The following DPY19L2 variants were observed in gnomAD, a reference collection of about 807,000 sequenced individuals.
DPY19L2 encodes the protein dpy-19 like 2.
A neutral mutation model predicts 97.9 loss-of-function variants in DPY19L2; 34 were observed. The ratio of observed to expected loss-of-function variants is 0.35; its 90% CI spans 0.26 to 0.46. DPY19L2 has a LOEUF of 0.46. Ranked by LOEUF, DPY19L2 falls within the 20% of genes least tolerant of loss-of-function variation. The pLI is 1.00. For missense variants in DPY19L2, 623 were observed against 911.4 expected (o/e 0.68, Z 4.07); for synonymous variants, 230 against 307.9 (o/e 0.75, Z 2.65).
rs1278530744 is a variant in DPY19L2, at chr12:63,580,613, G to A, written c.1900+49C>T. 2.7e-6 allele frequency: 4 copies of A among 1,498,592 alleles called. No individual in the cohort carries two copies. In the South Asian group the frequency reaches 3.9e-5, roughly 15 times the overall value. The allele number at this position is 1,498,592 out of a possible 1,614,324, so 92.8% of individuals were successfully genotyped here. ...ATAATTATATATAGTATACACAAAT[G>A]TGTCTGTATGTTTGTATAAAACTAG... On this transcript the variant is annotated intron_variant, in intron 19 of 21. Transcript: ENST00000324472.
At chr12:63,596,794 G>A (rs1382929155) in intron 14 of DPY19L2, among the ~76,000 whole-genome samples, 1 of 152,130 alleles carries the variant, frequency 6.6e-6, no homozygotes, top group Admixed American at 6.5e-5. Context: ...ACAAATAGAG[G>A]AAAGAGCCCT....
chr12:63,614,190 C>A (rs1299485338), intron 11 of DPY19L2, among the ~76,000 whole-genome samples: 353 of 113,790 alleles, frequency 3.1e-3, no homozygotes, highest in South Asian at 5.4e-3. Flanking sequence ...AACTCCGTCT[C>A]AAAAAAAAAA....
At position 63,643,703 on chromosome 12, in the gene DPY19L2, C is replaced by T. The variant is rs138288399; in HGVS notation, c.803+700G>A. Among the ~76,000 whole-genome samples, 431 of 152,216 alleles carry T rather than the reference C, an allele frequency of 2.8e-3. 1 individual carries two copies. The highest frequency in any genetic ancestry group is 5.1e-3 in the Non-Finnish European group (344 of 68,008). ...ATTTTTATGACCTTTCCCTTATGGT[C>T]ACAAGATGACTGCTACAGCTCTGGG... On this transcript the variant is annotated intron_variant, in intron 6 of 21. Coordinates refer to ENST00000324472, the MANE Select transcript of DPY19L2 (RefSeq NM_173812.5).
intron 6 of DPY19L2, among the ~76,000 whole-genome samples, chr12:63,630,176 A>G (rs1448377021): frequency 6.6e-6 from 1 of 152,206 alleles, no homozygotes; most frequent in African/African-American, 2.4e-5. Context: ...CAAAATAACC[A>G]GCTAACATCA....
intron 12 of DPY19L2, among the ~76,000 whole-genome samples, chr12:63,600,734 A>C (rs1214495856): frequency 2.6e-5 from 4 of 151,628 alleles, no homozygotes; most frequent in African/African-American, 9.7e-5. Flanking sequence ...AAAGAAAAAA[A>C]CCCGTGTGCA....
intron 16 of DPY19L2, among the ~76,000 whole-genome samples, chr12:63,591,861 G>C (rs867384305): frequency 6.7e-6 from 1 of 150,174 alleles, no homozygotes; most frequent in African/African-American, 2.5e-5. Flanking sequence ...AGATGATCGC[G>C]TGAGTCCGGG....
At chr12:63,651,016 A>G (rs1157458800) in intron 4 of DPY19L2, among the ~76,000 whole-genome samples, 2 of 152,222 alleles carry the variant, frequency 1.3e-5, no homozygotes, top group Non-Finnish European at 2.9e-5. Flanking sequence ...TTTCAAGGCT[A>G]CAATAACCAA....
At chr12:63,662,800 A>G (rs1174938998) in intron 3 of DPY19L2, among the ~76,000 whole-genome samples, 2 of 152,188 alleles carry the variant, frequency 1.3e-5, no homozygotes, top group Non-Finnish European at 2.9e-5. Context: ...AATGTCATAC[A>G]TATGTTAATG....
At chr12:63,565,449 G>A (rs1372926547) in intron 21 of DPY19L2, among the ~76,000 whole-genome samples, 2 of 152,100 alleles carry the variant, frequency 1.3e-5, no homozygotes, top group African/African-American at 4.8e-5. Flanking sequence ...CCATCACATC[G>A]CCTTTTTGAT....
intron 13 of DPY19L2, among the ~76,000 whole-genome samples, chr12:63,599,612 G>T (rs533289495): frequency 4.5e-4 from 69 of 152,218 alleles, no homozygotes; most frequent in African/African-American, 1.5e-3. Flanking sequence ...TTTCAAAATT[G>T]ATTATTATAT....
rs1876103016 is a variant in DPY19L2 at position 63,559,520 on chromosome 12, T to C, written c.*992A>G. 6.6e-6 allele frequency: 1 copy of C among 152,560 alleles called. No individual in the cohort carries two copies. The highest frequency in any genetic ancestry group is 1.5e-5 in the Non-Finnish European group (1 of 68,012). 9.5% of individuals were successfully genotyped at this position (152,560 alleles called of 1,614,324 possible). A position where few individuals can be genotyped will look rare whatever the true frequency, so the allele number is the denominator to read the frequency against. ...AAGCACTATTGTTGGGTAGGTTTTA[T>C]TAGGGGAGAGGACTTAGAAAACATG... is the stretch of plus-strand genomic sequence containing the variant. On this transcript the variant is annotated 3_prime_UTR_variant, in exon 22 of 22. Coordinates refer to ENST00000324472, the MANE Select transcript of DPY19L2 (RefSeq NM_173812.5).
intron 12 of DPY19L2, among the ~76,000 whole-genome samples, chr12:63,604,494 T>C (rs9651986): frequency 1.3e-5 from 2 of 152,096 alleles, no homozygotes; most frequent in Non-Finnish European, 2.9e-5. Context: ...ATTAGATCTT[T>C]TGTTACTACA....
At chr12:63,657,020 C>T (rs1253183229) in intron 4 of DPY19L2, among the ~76,000 whole-genome samples, 2 of 152,126 alleles carry the variant, frequency 1.3e-5, no homozygotes, top group East Asian at 3.8e-4. Flanking sequence ...TTGGGTCTGC[C>T]TGATGACTGC....
chr12:63,668,263 C>T lies in DPY19L2; in HGVS notation c.131G>A (p.Gly44Asp). Residue 44 changes from glycine (G) to aspartate (D), a missense_variant, in exon 1 of 22, where the codon GGC becomes GAC. By Grantham distance (94) the Gly-to-Asp change is moderately conservative. Transcript: ENST00000324472. ...EEEMEKSALG[G>D]GKLPRGSWRS... is the part of the protein sequence containing the mutation. ...CCAGGAGCCCCTTGGCAGTTTCCCG[C>T]CGCCTAGGGCCGACTTTTCCATCTC... is the stretch of plus-strand genomic sequence containing the variant. The T allele has an allele frequency of 2.5e-6, 4 of 1,613,868 alleles. No homozygotes were observed. The highest frequency in any genetic ancestry group is 3.4e-6 in the Non-Finnish European group (4 of 1,179,868).
intron 6 of DPY19L2, among the ~76,000 whole-genome samples, chr12:63,632,747 G>T (rs965702824): frequency 6.6e-6 from 1 of 152,136 alleles, no homozygotes; most frequent in East Asian, 1.9e-4. Context: ...AAAAGAGCCC[G>T]CATCGCCAAG....
intron 16 of DPY19L2, among the ~76,000 whole-genome samples, chr12:63,586,945 A>G (rs149298796): frequency 0.015 from 2,219 of 152,244 alleles, 25 homozygotes; most frequent in Non-Finnish European, 0.021. Flanking sequence ...GTACAAACAC[A>G]GCAGTTATCA....
chr12:63,614,562 G>T (rs1565770097), intron 11 of DPY19L2, among the ~76,000 whole-genome samples: 1 of 152,064 alleles, frequency 6.6e-6, no homozygotes, highest in Non-Finnish European at 1.5e-5. Flanking sequence ...ATAATCATGT[G>T]CGTGGTGCAG....
intron 21 of DPY19L2, among the ~76,000 whole-genome samples, chr12:63,567,328 C>G (rs1877924599): frequency 2.0e-5 from 3 of 152,036 alleles, no homozygotes; most frequent in African/African-American, 7.2e-5. Flanking sequence ...CCATTATGCT[C>G]TTTTTTTCCC....
rs567828305 is a variant in DPY19L2 at position 63,626,188 on chromosome 12, T to C, written c.861+281A>G. On this transcript the variant is annotated intron_variant, in intron 7 of 21. Transcript: ENST00000324472. ...GTGGGAATAAATCAGATAATGTGCA[T>C]GATATGATTCAACTCAACAAGTACA... 4.0e-5 allele frequency among the ~76,000 whole-genome samples: 6 copies of C among 151,476 alleles called. 1 individual carries two copies. The highest frequency in any genetic ancestry group is 3.3e-4 in the Admixed American group (5 of 15,204).
Sources: allele counts gnomAD v4.1 joint callset (sites outside exome capture counted in the v4.1 genomes callset), GRCh38; gene constraint gnomAD v4.1.1; transcripts MANE v1.5; gene names NCBI Gene and HGNC (gene_info 2026-07-23, HGNC 2026-07-21).